Variants in XKR4 observed in about 807,000 individuals in gnomAD.
XKR4 encodes the protein XK related 4.
Under a neutral mutation model 53.9 loss-of-function variants are expected in XKR4, and 12 were observed. That is an observed-to-expected ratio of 0.22 (90% CI 0.14 to 0.36). The LOEUF is 0.36. Among genes scored for constraint, XKR4 ranks in the 10% least tolerant of loss-of-function variants. The probability of loss-of-function intolerance (pLI) is 1.00; values close to 1 mark genes in which losing one functional copy is unlikely to be tolerated. For synonymous variants in XKR4, 354 were observed against 362.4 expected (o/e 0.98, Z 0.26); for missense variants, 799 against 859.5 (o/e 0.93, Z 0.88).
intron 2 of XKR4, among the ~76,000 whole-genome samples, chr8:55,417,449 T>G (rs1267064415): frequency 1.3e-5 from 2 of 152,210 alleles, no homozygotes; most frequent in African/African-American, 2.4e-5. Flanking sequence ...CAGTTGCATA[T>G]AGTTGCTTAG....
chr8:55,464,571 G>A (rs1196017722), intron 2 of XKR4, among the ~76,000 whole-genome samples: 1 of 151,052 alleles, frequency 6.6e-6, no homozygotes, highest in African/African-American at 2.5e-5. Flanking sequence ...TTTGAAAACT[G>A]GCACAAGACA....
At chr8:55,115,038 C>T (rs1816287246) in intron 1 of XKR4, among the ~76,000 whole-genome samples, 3 of 152,196 alleles carry the variant, frequency 2.0e-5, no homozygotes, top group Admixed American at 2.0e-4. Context: ...GTGGAATCTG[C>T]AAACCCAAAC....
chr8:55,355,396 A>G (rs542191945), intron 1 of XKR4, among the ~76,000 whole-genome samples: 1 of 152,328 alleles, frequency 6.6e-6, no homozygotes, highest in East Asian at 1.9e-4. Context: ...AGCATATATA[A>G]TCAAGAGGAG....
chr8:55,519,375 A>G (rs1426509105), intron 2 of XKR4, among the ~76,000 whole-genome samples: 2 of 152,216 alleles, frequency 1.3e-5, no homozygotes, highest in Admixed American at 6.5e-5. Context: ...ATATTTTAGT[A>G]TGATGATCCT....
intron 2 of XKR4, among the ~76,000 whole-genome samples, chr8:55,514,248 C>CTTTT (rs71256544): frequency 1.1e-4 from 12 of 108,894 alleles, no homozygotes; most frequent in East Asian, 2.6e-4. Flanking sequence ...TGCTGGGATT[C>CTTTT]TTTTTTTTTT....
At position 55,531,154 on chromosome 8, in the gene XKR4, T is replaced by A. The variant is rs1806947796; in HGVS notation, c.*6927T>A. 1 of 152,210 alleles carries A rather than the reference T, an allele frequency of 6.6e-6. No individual in the cohort carries two copies. Among genetic ancestry groups the A allele is most frequent in the Admixed American group, 6.5e-5 (1 of 15,280 alleles). 9.4% of individuals were successfully genotyped at this position (152,210 alleles called of 1,614,324 possible). A position where few individuals can be genotyped will look rare whatever the true frequency, so the allele number is the denominator to read the frequency against. ...AAGGATGGGGATATGTTCTGAGATA[T>A]GCATCGTCAGGCAATTTTGTCATTG... On this transcript the variant is annotated 3_prime_UTR_variant, in exon 3 of 3. Coordinates refer to ENST00000327381, the MANE Select transcript of XKR4 (RefSeq NM_052898.2).
intron 1 of XKR4, among the ~76,000 whole-genome samples, chr8:55,211,923 A>G (rs925049404): frequency 2.0e-5 from 3 of 152,306 alleles, no homozygotes; most frequent in African/African-American, 7.2e-5. Context: ...TATACATTTT[A>G]GGGAGACATA....
chr8:55,188,627 AC>A (rs1817408318), intron 1 of XKR4, among the ~76,000 whole-genome samples: 1 of 152,234 alleles, frequency 6.6e-6, no homozygotes, highest in Non-Finnish European at 1.5e-5. Flanking sequence ...GTAAGTTGAT[AC>A]CTATACAAGA....
chr8:55,382,345 A>T (rs1381186610), intron 2 of XKR4, among the ~76,000 whole-genome samples: 1 of 152,248 alleles, frequency 6.6e-6, no homozygotes, highest in Non-Finnish European at 1.5e-5. Flanking sequence ...TTTCAAAAGC[A>T]GTTGTGCATA....
At chr8:55,266,194 G>A (rs114181402) in intron 1 of XKR4, among the ~76,000 whole-genome samples, 2,570 of 151,500 alleles carry the variant, frequency 0.017, 56 homozygotes, top group East Asian at 0.041. Flanking sequence ...CTGATGATTC[G>A]GTGTGATGGG....
At chr8:55,139,408 G>A (rs910081486) in intron 1 of XKR4, among the ~76,000 whole-genome samples, 2 of 151,138 alleles carry the variant, frequency 1.3e-5, no homozygotes, top group East Asian at 2.0e-4. Flanking sequence ...GTGGCGGCAG[G>A]CCCCGGTAAT....
intron 2 of XKR4, among the ~76,000 whole-genome samples, chr8:55,381,234 T>C (rs1444390891): frequency 6.6e-6 from 1 of 152,268 alleles, no homozygotes; most frequent in Non-Finnish European, 1.5e-5. Flanking sequence ...TACCATTCTA[T>C]TGTCGATTCC....
intron 2 of XKR4, among the ~76,000 whole-genome samples, chr8:55,513,393 A>T (rs1806659555): frequency 6.6e-6 from 1 of 152,156 alleles, no homozygotes; most frequent in South Asian, 2.1e-4. Context: ...CTAAATTTCC[A>T]TCTCAGAGGC....
In XKR4 at chr8:55,541,583, C is replaced by G. The variant is rs1410625764; in HGVS notation, c.*17356C>G. ...ACAGAATAAGGTCCGAGAGACCCCACGAGTGTGCGTAGGGAACGGTGTAGA... is the reference window on the plus strand; with the variant it reads ...ACAGAATAAGGTCCGAGAGACCCCAGGAGTGTGCGTAGGGAACGGTGTAGA... On this transcript the variant is annotated 3_prime_UTR_variant, in exon 3 of 3. Coordinates refer to ENST00000327381, the MANE Select transcript of XKR4 (RefSeq NM_052898.2). 1 of 152,254 alleles carries G rather than the reference C, an allele frequency of 6.6e-6. No individual in the cohort carries two copies. The highest frequency in any genetic ancestry group is 1.5e-5 in the Non-Finnish European group (1 of 68,046). The allele number at this position is 152,254 out of a possible 1,614,324, so 9.4% of individuals were successfully genotyped here. A position where few individuals can be genotyped will look rare whatever the true frequency, so the allele number is the denominator to read the frequency against.
chr8:55,480,180 G>A (rs575788631), intron 2 of XKR4, among the ~76,000 whole-genome samples: 52 of 152,330 alleles, frequency 3.4e-4, no homozygotes, highest in African/African-American at 1.2e-3. Context: ...GAATCCAGCA[G>A]CACATCAAAA....
chr8:55,135,989 G>A (rs967049829), intron 1 of XKR4, among the ~76,000 whole-genome samples: 6 of 151,760 alleles, frequency 4.0e-5, no homozygotes, highest in African/African-American at 1.5e-4. Flanking sequence ...CGCCTCCCGG[G>A]TTCAAGTGAT....
intron 1 of XKR4, among the ~76,000 whole-genome samples, chr8:55,312,563 A>G (rs1387498831): frequency 1.3e-5 from 2 of 152,170 alleles, no homozygotes; most frequent in African/African-American, 4.8e-5. Context: ...AATAGTCAAA[A>G]CTGCAGGCAC....
intron 1 of XKR4, among the ~76,000 whole-genome samples, chr8:55,114,263 G>A (rs780485727): frequency 1.1e-4 from 16 of 152,058 alleles, no homozygotes; most frequent in Admixed American, 3.3e-4. Flanking sequence ...TTTGATAATA[G>A]CCATTCTAAC....
Position 55,490,699 on chromosome 8 carries a change from A to G in XKR4, c.1007-32582A>G, listed in dbSNP as rs190693639. Among the ~76,000 whole-genome samples, 21 of 152,210 alleles carry G rather than the reference A, an allele frequency of 1.4e-4. No homozygotes were observed. The East Asian group carries it at 4.1e-3, about 29-fold the overall frequency. On this transcript the variant is annotated intron_variant, in intron 2 of 2. Coordinates refer to ENST00000327381, the MANE Select transcript of XKR4 (RefSeq NM_052898.2). ...AGTCATCTTTGTTCCTGTGTACGTG[A>G]CATGTTTTTTTTAATTACTTTTTTA...
Sources: gnomAD v4.1 joint callset for allele counts (sites outside exome capture counted in the v4.1 genomes callset) on GRCh38, gnomAD v4.1.1 for gene constraint, MANE v1.5 for transcripts, NCBI Gene and HGNC (gene_info 2026-07-23, HGNC 2026-07-21) for gene names.